Variants in TMEM132D observed in about 807,000 individuals in gnomAD.
TMEM132D encodes the protein transmembrane protein 132D.
In TMEM132D, 21 loss-of-function variants were observed where a neutral mutation model predicts 62.3. The ratio of observed to expected loss-of-function variants is 0.34; its 90% CI spans 0.24 to 0.49. The LOEUF (loss-of-function observed/expected upper bound fraction) is 0.49, where lower values mean the gene tolerates loss of function less well. Ranked by LOEUF, TMEM132D falls within the 20% of genes least tolerant of loss-of-function variation. The probability of loss-of-function intolerance (pLI) is 0.99; values close to 1 mark genes in which losing one functional copy is unlikely to be tolerated. For missense variants in TMEM132D, 1,346 were observed against 1,402.8 expected (o/e 0.96, Z 0.65); for synonymous variants, 621 against 575.6 (o/e 1.08, Z -1.13).
At chr12:129,503,661 T>G (rs1875230851) in intron 3 of TMEM132D, among the ~76,000 whole-genome samples, 1 of 152,152 alleles carries the variant, frequency 6.6e-6, no homozygotes, top group Non-Finnish European at 1.5e-5. Context: ...TCCATAATAA[T>G]CTAGAAGGTT....
intron 3 of TMEM132D, among the ~76,000 whole-genome samples, chr12:129,495,402 G>A (rs377365289): frequency 2.0e-5 from 3 of 152,142 alleles, no homozygotes; most frequent in Admixed American, 6.5e-5. Context: ...GGGGGAGATC[G>A]GTCCTCAAGC....
chr12:129,794,404 T>A (rs1167883149), intron 1 of TMEM132D, among the ~76,000 whole-genome samples: 1 of 151,950 alleles, frequency 6.6e-6, no homozygotes, highest in Admixed American at 6.6e-5. Context: ...ACCCAGCCTT[T>A]AGTGTGTTTT....
In TMEM132D at chr12:129,179,859, C is replaced by G. The variant is rs555739678; in HGVS notation, c.1443+29661G>C. ...CCTGGCCAACATGGCGAAACTCCGT[C>G]TCTACTAAAAATACAAAAATTAGCC... On this transcript the variant is annotated intron_variant, in intron 5 of 8. Coordinates refer to ENST00000422113, the MANE Select transcript of TMEM132D (RefSeq NM_133448.3). Among the ~76,000 whole-genome samples, 3 of 152,092 alleles carry G rather than the reference C, an allele frequency of 2.0e-5. No individual in the cohort carries two copies. The South Asian group carries it at 6.2e-4, about 32-fold the overall frequency.
intron 5 of TMEM132D, among the ~76,000 whole-genome samples, chr12:129,185,987 C>A (rs1403939128): frequency 6.6e-6 from 1 of 152,196 alleles, no homozygotes; most frequent in Non-Finnish European, 1.5e-5. Context: ...AAAAACCATA[C>A]TTTCTCAGAT....
At chr12:129,393,475 C>T (rs1003283713) in intron 3 of TMEM132D, among the ~76,000 whole-genome samples, 1 of 152,104 alleles carries the variant, frequency 6.6e-6, no homozygotes, top group African/African-American at 2.4e-5. Context: ...GCTGAGAGTG[C>T]GTTAAGGGGT....
chr12:129,234,844 T>C (rs1879736146), intron 4 of TMEM132D, among the ~76,000 whole-genome samples: 1 of 152,190 alleles, frequency 6.6e-6, no homozygotes, highest in South Asian at 2.1e-4. Flanking sequence ...CTTAAAAGTA[T>C]TTTGATAAGG....
At position 129,582,006 on chromosome 12, in the gene TMEM132D, G is replaced by A. The variant is rs192264839; in HGVS notation, c.969-50801C>T. On this transcript the variant is annotated intron_variant, in intron 2 of 8. Coordinates refer to ENST00000422113, the MANE Select transcript of TMEM132D (RefSeq NM_133448.3). ...ACCCACAGCATGTTTAACACTGAGA[G>A]CATCAATGAGATACAGCAGGTACAG... Among the ~76,000 whole-genome samples, 127 of 152,310 alleles carry A rather than the reference G, an allele frequency of 8.3e-4. 1 individual carries two copies. The highest frequency in any genetic ancestry group is 2.7e-3 in the Admixed American group (42 of 15,296).
At chr12:129,666,732 T>A (rs1880387525) in intron 2 of TMEM132D, among the ~76,000 whole-genome samples, 1 of 152,192 alleles carries the variant, frequency 6.6e-6, no homozygotes, top group Admixed American at 6.5e-5. Flanking sequence ...TTAAAACTGC[T>A]TACTTATCAG....
At position 129,903,773 on chromosome 12, in the gene TMEM132D, G is replaced by C. The variant is rs1875456432; in HGVS notation, c.-434C>G. On this transcript the variant is annotated 5_prime_UTR_variant, in exon 1 of 9. Transcript: ENST00000422113. The surrounding 1 kb of genome is among the most constrained non-coding windows in gnomAD (Gnocchi z 6.2). ...GGCGCAGGCGGCGCCGGGGTGGCGG[G>C]GCTGCGGAGCCCGGGACGCGGGCAG... is the stretch of plus-strand genomic sequence containing the variant. 1 of 149,528 alleles carries C rather than the reference G, an allele frequency of 6.7e-6. No individual in the cohort carries two copies. The highest frequency in any genetic ancestry group is 6.7e-5 in the Admixed American group (1 of 15,024). The allele number at this position is 149,528 out of a possible 1,614,324, so 9.3% of individuals were successfully genotyped here. A position where few individuals can be genotyped will look rare whatever the true frequency, so the allele number is the denominator to read the frequency against.
intron 5 of TMEM132D, among the ~76,000 whole-genome samples, chr12:129,128,151 C>A (rs778117963): frequency 6.6e-6 from 1 of 152,180 alleles, no homozygotes; most frequent in Non-Finnish European, 1.5e-5. Context: ...CTCTAGGCAA[C>A]CCTGGAGTAG....
At chr12:129,084,046 GCCT>G (rs1327636172) in intron 6 of TMEM132D, among the ~76,000 whole-genome samples, 2 of 152,184 alleles carry the variant, frequency 1.3e-5, no homozygotes, top group African/African-American at 4.8e-5. Flanking sequence ...AACATCTGCT[GCCT>G]CCTCCTTTCC....
intron 4 of TMEM132D, among the ~76,000 whole-genome samples, chr12:129,246,315 C>T (rs146857069): frequency 1.7e-3 from 259 of 152,170 alleles, no homozygotes; most frequent in African/African-American, 5.3e-3. Context: ...AAGAGAAAGG[C>T]GGAATGACGC....
At chr12:129,813,631 T>TATATATATATATATATATATATATATATA (rs36010730) in intron 1 of TMEM132D, among the ~76,000 whole-genome samples, 36 of 143,988 alleles carry the variant, frequency 2.5e-4, no homozygotes, top group East Asian at 1.5e-3. Context: ...TATATATATA[T>TATATATATATATATATATATATATATATA]TTTCAGGACT....
At chr12:129,368,988 AC>A (rs1227489773) in intron 3 of TMEM132D, among the ~76,000 whole-genome samples, 1 of 152,186 alleles carries the variant, frequency 6.6e-6, no homozygotes, top group Non-Finnish European at 1.5e-5. Flanking sequence ...CCATCCTGTG[AC>A]AGCGAGGCGG....
chr12:129,442,988 A>G (rs1872984320), intron 3 of TMEM132D, among the ~76,000 whole-genome samples: 2 of 152,170 alleles, frequency 1.3e-5, no homozygotes, highest in African/African-American at 4.8e-5. Flanking sequence ...TCCCAGGTGA[A>G]CACATCCTCC....
intron 1 of TMEM132D, among the ~76,000 whole-genome samples, chr12:129,802,752 TAA>T (rs1304166783): frequency 6.6e-6 from 1 of 151,366 alleles, no homozygotes; most frequent in Non-Finnish European, 1.5e-5. Context: ...GCAAATTGGA[TAA>T]AGAGTCAAGA....
In TMEM132D at chr12:129,666,144, T is replaced by C. The variant is rs576174286; in HGVS notation, c.968+33666A>G. Reference sequence around the variant, plus strand: ...ATCTGGTATGAAATGGCACCCTTAATTTTGGGGATCTGTCTTTGCCTTCAG... The same window carrying C: ...ATCTGGTATGAAATGGCACCCTTAACTTTGGGGATCTGTCTTTGCCTTCAG... On this transcript the variant is annotated intron_variant, in intron 2 of 8. Transcript: ENST00000422113. Among the ~76,000 whole-genome samples, 27 of 152,310 alleles carry C rather than the reference T, an allele frequency of 1.8e-4. No individual in the cohort carries two copies. The South Asian group carries it at 5.0e-3, about 28-fold the overall frequency.
chr12:129,585,390 G>A (rs1877995831), intron 2 of TMEM132D, among the ~76,000 whole-genome samples: 1 of 152,204 alleles, frequency 6.6e-6, no homozygotes, highest in Admixed American at 6.5e-5. Flanking sequence ...GCACAATTCA[G>A]GAATCTGCAG....
intron 2 of TMEM132D, among the ~76,000 whole-genome samples, chr12:129,546,698 G>C (rs1464350218): frequency 6.6e-6 from 1 of 152,052 alleles, no homozygotes; most frequent in East Asian, 1.9e-4. Context: ...CAACTCAGGA[G>C]GCTGAGGCAG....
Sources: allele counts gnomAD v4.1 joint callset (sites outside exome capture counted in the v4.1 genomes callset), GRCh38; gene constraint gnomAD v4.1.1; non-coding constraint Gnocchi (gnomAD v3.1); transcripts MANE v1.5; gene names NCBI Gene and HGNC (gene_info 2026-07-23, HGNC 2026-07-21).